The following NDST4 variants were observed in gnomAD, a reference collection of about 807,000 sequenced individuals.
The protein encoded by NDST4 is N-deacetylase and N-sulfotransferase 4.
In NDST4, 63 loss-of-function variants were observed where a neutral mutation model predicts 100.8. The ratio of observed to expected loss-of-function variants is 0.62; its 90% CI spans 0.51 to 0.77. NDST4 has a LOEUF of 0.77. NDST4 is among the 30% of genes least tolerant of loss of function. The probability of loss-of-function intolerance (pLI) is 0.00; values close to 1 mark genes in which losing one functional copy is unlikely to be tolerated. For synonymous variants in NDST4, 377 were observed against 361.8 expected (o/e 1.04, Z -0.48); for missense variants, 943 against 1,018.4 (o/e 0.93, Z 1.01).
chr4:114,945,745 G>C (rs1384632475), intron 4 of NDST4, among the ~76,000 whole-genome samples: 1 of 152,092 alleles, frequency 6.6e-6, no homozygotes, highest in Non-Finnish European at 1.5e-5. Context: ...CTTTTAGTAA[G>C]GACTTGGATT....
intron 2 of NDST4, among the ~76,000 whole-genome samples, chr4:115,061,158 C>G (rs996861893): frequency 3.9e-5 from 6 of 152,026 alleles, no homozygotes; most frequent in African/African-American, 1.4e-4. Flanking sequence ...AATAGGAATG[C>G]TTTTACACTG....
rs201027929 is a variant in NDST4 at position 115,017,922 on chromosome 4, TA to T, written c.979-40649del. On this transcript the variant is annotated intron_variant, in intron 2 of 13. Coordinates refer to ENST00000264363, the MANE Select transcript of NDST4 (RefSeq NM_022569.3). Reference sequence around the variant, plus strand: ...GTTAGAACAATTAGATATTCTTTTGTAAAAAAAAATTGAGAAGACAAATTTA... The same window carrying T: ...GTTAGAACAATTAGATATTCTTTTGTAAAAAAAATTGAGAAGACAAATTTA... 2.8e-3 allele frequency among the ~76,000 whole-genome samples: 416 copies of T among 151,184 alleles called. 1 individual carries two copies. The highest frequency in any genetic ancestry group is 9.5e-3 in the African/African-American group (393 of 41,318).
rs115498510 is a variant in NDST4 at position 114,901,175 on chromosome 4, G to A, written c.1537-30225C>T. Among the ~76,000 whole-genome samples, 554 of 152,076 alleles carry A rather than the reference G, an allele frequency of 3.6e-3. 5 individuals are homozygous for A. Among genetic ancestry groups the A allele is most frequent in the African/African-American group, 0.013 (534 of 41,498 alleles). The stretch of plus-strand genomic sequence containing the variant: ...CCATTATATCCATTTGACTGATGGT[G>A]TAGTTGAGCTCAACTATGTCTTTAC... On this transcript the variant is annotated intron_variant, in intron 6 of 13. Coordinates refer to ENST00000264363, the MANE Select transcript of NDST4 (RefSeq NM_022569.3).
intron 1 of NDST4, among the ~76,000 whole-genome samples, chr4:115,092,740 A>G (rs1043996439): frequency 1.3e-5 from 2 of 152,164 alleles, no homozygotes; most frequent in Non-Finnish European, 2.9e-5. Context: ...CTTCAACATC[A>G]AAACTAGTAG....
Position 114,833,711 on chromosome 4 carries a change from A to G in NDST4, c.2291T>C (p.Leu764Pro), listed in dbSNP as rs758551653. ...TCTCAGCTGCTGTCCATCAATAATT[A>G]GCAACTGTAAAGTCAGAAATAGTCA... ...WLTYFATSQLLIIDGQQLRSD... is the reference protein window; with the variant it reads ...WLTYFATSQLPIIDGQQLRSD... Residue 764 changes from leucine (L) to proline (P), a missense_variant, in exon 12 of 14, where the codon CTA (leucine) becomes CCA (proline). Leu to Pro is a moderately conservative substitution (Grantham distance 98). Transcript: ENST00000264363. 12 of 1,604,992 alleles carry G rather than the reference A, an allele frequency of 7.5e-6. No individual in the cohort carries two copies. The highest frequency in any genetic ancestry group is 1.0e-5 in the Non-Finnish European group (12 of 1,174,642).
chr4:115,000,647 C>T (rs528777681), intron 2 of NDST4, among the ~76,000 whole-genome samples: 40 of 152,186 alleles, frequency 2.6e-4, no homozygotes, highest in East Asian at 3.9e-4. Flanking sequence ...CTAATTACTA[C>T]GCAAAATTTC....
chr4:115,104,854 A>G (rs1484606463), intron 1 of NDST4, among the ~76,000 whole-genome samples: 1 of 152,128 alleles, frequency 6.6e-6, no homozygotes, highest in African/African-American at 2.4e-5. Flanking sequence ...AATCAGTACA[A>G]AATGTGGCAT....
At chr4:115,080,039 T>C (rs575656473) in intron 1 of NDST4, among the ~76,000 whole-genome samples, 15 of 152,304 alleles carry the variant, frequency 9.8e-5, no homozygotes, top group African/African-American at 3.6e-4. Context: ...ATTGTACCAG[T>C]TTGCAGTCTC....
chr4:114,978,466 T>A (rs1029074029), intron 2 of NDST4, among the ~76,000 whole-genome samples: 1 of 152,104 alleles, frequency 6.6e-6, no homozygotes, highest in Admixed American at 6.6e-5. Context: ...GGTGTTATCA[T>A]GTTCAACATT....
intron 7 of NDST4, among the ~76,000 whole-genome samples, chr4:114,869,609 A>G (rs1475670841): frequency 6.6e-6 from 1 of 152,134 alleles, no homozygotes; most frequent in Non-Finnish European, 1.5e-5. Context: ...TAGATGGTCA[A>G]GTAACTTATT....
At chr4:114,980,502 C>T (rs770314549) in intron 2 of NDST4, among the ~76,000 whole-genome samples, 34 of 150,254 alleles carry the variant, frequency 2.3e-4, no homozygotes, top group African/African-American at 8.0e-4. Context: ...ATTAGATGGG[C>T]GTGGTAGTGC....
intron 1 of NDST4, among the ~76,000 whole-genome samples, chr4:115,105,766 A>G (rs1405762989): frequency 6.6e-6 from 1 of 152,118 alleles, no homozygotes; most frequent in African/African-American, 2.4e-5. Flanking sequence ...TTTACCTGAC[A>G]TTGCATAGAA....
chr4:115,076,487 G>C lies in NDST4; in HGVS notation c.550C>G (p.Leu184Val), dbSNP rs564044682. 1 of 1,613,944 alleles carries C rather than the reference G, an allele frequency of 6.2e-7. No homozygotes were observed. Among genetic ancestry groups the C allele is most frequent in the Non-Finnish European group, 8.5e-7 (1 of 1,179,948 alleles). ...TCCTTTAGAGCTAGATTATTGAAAAGGTTTAACGGAAAGCCTTTTAATTGT... is the reference window on the plus strand; with the variant it reads ...TCCTTTAGAGCTAGATTATTGAAAACGTTTAACGGAAAGCCTTTTAATTGT... Reference protein sequence around the residue: ...STQLKGFPLNLFNNLALKDCF... With the variant: ...STQLKGFPLNVFNNLALKDCF... Residue 184 changes from leucine to valine, a missense_variant, in exon 2 of 14, where the codon CTT (leucine) becomes GTT (valine). Coordinates refer to ENST00000264363, the MANE Select transcript of NDST4 (RefSeq NM_022569.3).
At chr4:114,903,884 G>A (rs1162403374) in intron 6 of NDST4, among the ~76,000 whole-genome samples, 2 of 151,950 alleles carry the variant, frequency 1.3e-5, no homozygotes, top group Non-Finnish European at 2.9e-5. Context: ...TTTTTGACAT[G>A]CATAGGAATT....
rs200801455 is a variant in NDST4, at chr4:115,013,346, C to CATATATATATATAT, written c.979-36086_979-36073dup. ...ATGTACTCCATAAAAATATAAATAC[C>CATATATATATATAT]ATATATATATATATATATATATATA... is the stretch of plus-strand genomic sequence containing the variant. On this transcript the variant is annotated intron_variant, in intron 2 of 13. Coordinates refer to ENST00000264363, the MANE Select transcript of NDST4 (RefSeq NM_022569.3). 4.0e-3 allele frequency among the ~76,000 whole-genome samples: 263 copies of CATATATATATATAT among 65,282 alleles called. 6 individuals are homozygous for CATATATATATATAT. The highest frequency in any genetic ancestry group is 0.011 in the Middle Eastern group (1 of 90). 42.8% of individuals were successfully genotyped at this position (65,282 alleles called of 152,430 possible).
At chr4:114,982,379 G>A (rs1313958186) in intron 2 of NDST4, among the ~76,000 whole-genome samples, 1 of 152,144 alleles carries the variant, frequency 6.6e-6, no homozygotes, top group Non-Finnish European at 1.5e-5. Flanking sequence ...TTGGAAACTA[G>A]AGCAAAGGTC....
Position 115,076,315 on chromosome 4 carries a change from T to G in NDST4, c.722A>C (p.Glu241Ala). 1 of 1,614,012 alleles carries G rather than the reference T, an allele frequency of 6.2e-7. No homozygotes were observed. Among genetic ancestry groups the G allele is most frequent in the South Asian group, 1.1e-5 (1 of 91,078 alleles). The change falls in exon 2 of 14, where the codon GAA (glutamate) becomes GCA (alanine). Residue 241 changes from glutamate to alanine, a missense_variant. Transcript: ENST00000264363. ...QPVLLTELQT[E>A]KSLSSLSSKT... ...GCTAGACAAGGATGACAGGGATTTT[T>G]CTGTCTGTAACTCAGTTAAAAGTAC...
At chr4:114,997,400 G>A (rs540849837) in intron 2 of NDST4, among the ~76,000 whole-genome samples, 107 of 152,132 alleles carry the variant, frequency 7.0e-4, no homozygotes, top group African/African-American at 2.6e-3. Context: ...AAATATATCT[G>A]TCAGATAGGT....
intron 2 of NDST4, among the ~76,000 whole-genome samples, chr4:115,062,168 G>C (rs1244488992): frequency 1.3e-5 from 2 of 151,966 alleles, no homozygotes; most frequent in Non-Finnish European, 2.9e-5. Context: ...AATGGGTAGA[G>C]AGTTTTAAAG....
Sources: allele counts gnomAD v4.1 joint callset (sites outside exome capture counted in the v4.1 genomes callset), GRCh38; gene constraint gnomAD v4.1.1; transcripts MANE v1.5; gene names NCBI Gene and HGNC (gene_info 2026-07-23, HGNC 2026-07-21).